Variants in SKI observed in about 807,000 individuals in gnomAD.
SKI encodes the protein SKI proto-oncogene, also known as ski oncogene.
In SKI, 23 loss-of-function variants were observed where a neutral mutation model predicts 59.3. The ratio of observed to expected loss-of-function variants is 0.39; its 90% CI spans 0.28 to 0.55. The LOEUF (loss-of-function observed/expected upper bound fraction) is 0.55, where lower values mean the gene tolerates loss of function less well. Among genes scored for constraint, SKI ranks in the 20% least tolerant of loss-of-function variants. The probability of loss-of-function intolerance (pLI) is 0.67; values close to 1 mark genes in which losing one functional copy is unlikely to be tolerated. For synonymous variants in SKI, 673 were observed against 488.6 expected, an observed-to-expected ratio of 1.38 and a Z score of -4.98; for missense variants, 1,017 against 1,038.9, an observed-to-expected ratio of 0.98 and a Z score of 0.29.
At chr1:2,285,527 A>G (rs1640019145) in intron 1 of SKI, among the ~76,000 whole-genome samples, 1 of 151,420 alleles carries the variant, frequency 6.6e-6, no homozygotes, top group Non-Finnish European at 1.5e-5. Flanking sequence ...AAAACAAACA[A>G]TAAACAAACA....
At chr1:2,287,360 T>C (rs1264322149) in intron 1 of SKI, among the ~76,000 whole-genome samples, 1 of 142,322 alleles carries the variant, frequency 7.0e-6, no homozygotes, top group Non-Finnish European at 1.5e-5. Flanking sequence ...TTTTTGAGAC[T>C]GAGTCTGGCT....
At chr1:2,232,104 C>T (rs1377316147) in intron 1 of SKI, among the ~76,000 whole-genome samples, 1 of 152,272 alleles carries the variant, frequency 6.6e-6, no homozygotes, top group Non-Finnish European at 1.5e-5. Context: ...TCCGCCCTCA[C>T]TGGCCGCCGT....
At chr1:2,271,854 A>G (rs979386666) in intron 1 of SKI, among the ~76,000 whole-genome samples, 2 of 152,222 alleles carry the variant, frequency 1.3e-5, no homozygotes, top group African/African-American at 4.8e-5. Flanking sequence ...CCAGAGGTTG[A>G]CATCCTGGGG....
At chr1:2,291,084 C>G (rs1038903535) in intron 1 of SKI, among the ~76,000 whole-genome samples, 3 of 152,234 alleles carry the variant, frequency 2.0e-5, no homozygotes, top group Non-Finnish European at 2.9e-5. Flanking sequence ...ACCCTCACCC[C>G]AGAACTGAAG....
chr1:2,285,417 A>G (rs373387311), intron 1 of SKI, among the ~76,000 whole-genome samples: 183 of 151,174 alleles, frequency 1.2e-3, no homozygotes, highest in African/African-American at 4.3e-3. Flanking sequence ...AGGGAGGCTG[A>G]GGCAGGAGAA....
chr1:2,273,812 C>T (rs1024492883), intron 1 of SKI, among the ~76,000 whole-genome samples: 4 of 152,210 alleles, frequency 2.6e-5, no homozygotes, highest in Non-Finnish European at 5.9e-5. Flanking sequence ...GCACGGTGGC[C>T]CTCCTGTCTG....
At chr1:2,305,252 G>GA (rs1303436864) in intron 5 of SKI, among the ~76,000 whole-genome samples, 4 of 152,320 alleles carry the variant, frequency 2.6e-5, no homozygotes, top group African/African-American at 9.6e-5. Context: ...TGACATGACT[G>GA]AGGGAAGTGC....
In SKI at chr1:2,249,359, C is replaced by A. The variant is rs779500713; in HGVS notation, c.969+19624C>A. ...TAGCGTTGCCGGCCACGCAGACAGCCGTGCCACCAGGAGGTTCCCTGGCAA... is the reference window on the plus strand; with the variant it reads ...TAGCGTTGCCGGCCACGCAGACAGCAGTGCCACCAGGAGGTTCCCTGGCAA... On this transcript the variant is annotated intron_variant, in intron 1 of 6. Coordinates refer to ENST00000378536, the MANE Select transcript of SKI (RefSeq NM_003036.4). Among the ~76,000 whole-genome samples, 25 of 152,348 alleles carry A rather than the reference C, an allele frequency of 1.6e-4. 1 individual carries two copies. The highest frequency in any genetic ancestry group is 6.0e-4 in the African/African-American group (25 of 41,582).
intron 1 of SKI, among the ~76,000 whole-genome samples, chr1:2,243,626 A>G (rs914737260): frequency 1.3e-5 from 2 of 152,154 alleles, no homozygotes; most frequent in Admixed American, 1.3e-4. Context: ...GTCAGAGGGC[A>G]TGTCGGTCAC....
At chr1:2,249,337 C>T (rs1449704257) in intron 1 of SKI, among the ~76,000 whole-genome samples, 2 of 152,222 alleles carry the variant, frequency 1.3e-5, no homozygotes, top group Non-Finnish European at 2.9e-5. Context: ...ATGTTCCTAG[C>T]GTTGCCGGCC....
At chr1:2,289,149 G>A (rs1356538964) in intron 1 of SKI, among the ~76,000 whole-genome samples, 1 of 152,204 alleles carries the variant, frequency 6.6e-6, no homozygotes, top group Non-Finnish European at 1.5e-5. Flanking sequence ...AGGAGCAGTG[G>A]TTGGTGAGAA....
intron 1 of SKI, among the ~76,000 whole-genome samples, chr1:2,256,534 G>T (rs907108712): frequency 6.6e-6 from 1 of 152,234 alleles, no homozygotes; most frequent in Non-Finnish European, 1.5e-5. Context: ...CCTGGTGAGG[G>T]ATTCTAGGGG....
chr1:2,254,390 G>T (rs567062660), intron 1 of SKI, among the ~76,000 whole-genome samples: 2 of 152,184 alleles, frequency 1.3e-5, no homozygotes, highest in Non-Finnish European at 2.9e-5. Flanking sequence ...GATCTCCAGC[G>T]TGACATGTCC....
intron 1 of SKI, among the ~76,000 whole-genome samples, chr1:2,244,900 T>C (rs934305979): frequency 3.3e-5 from 5 of 152,244 alleles, no homozygotes; most frequent in African/African-American, 1.2e-4. Context: ...AAAATATACT[T>C]TTCTTCAGAA....
chr1:2,274,942 C>T (rs1008048957), intron 1 of SKI, among the ~76,000 whole-genome samples: 1 of 152,194 alleles, frequency 6.6e-6, no homozygotes. Context: ...TTGTTTGGGG[C>T]CTTCGCTGTC....
intron 1 of SKI, among the ~76,000 whole-genome samples, chr1:2,233,231 T>G (rs1638681118): frequency 1.0e-5 from 1 of 99,866 alleles, no homozygotes; most frequent in East Asian, 3.3e-4. Context: ...CCAACAGGGC[T>G]GGTGGGGGGG....
At chr1:2,285,917 AG>A (rs1229797620) in intron 1 of SKI, among the ~76,000 whole-genome samples, 1 of 118,514 alleles carries the variant, frequency 8.4e-6, no homozygotes, top group Non-Finnish European at 1.6e-5. Context: ...ACTGTTGCCC[AG>A]GCTGGAGCAC....
chr1:2,257,265 C>T (rs1035727869), intron 1 of SKI, among the ~76,000 whole-genome samples: 11 of 152,346 alleles, frequency 7.2e-5, no homozygotes, highest in African/African-American at 2.6e-4. Flanking sequence ...TTTCAGACCT[C>T]GGCTTTAAAG....
chr1:2,301,000 T>A (rs553584266), intron 1 of SKI, among the ~76,000 whole-genome samples: 15 of 152,334 alleles, frequency 9.8e-5, no homozygotes, highest in Non-Finnish European at 1.9e-4. Context: ...GGCATCTGAC[T>A]CTTTCCCCTC....
Sources: gnomAD v4.1 joint callset for allele counts (sites outside exome capture counted in the v4.1 genomes callset) on GRCh38, gnomAD v4.1.1 for gene constraint, MANE v1.5 for transcripts, NCBI Gene and HGNC (gene_info 2026-07-23, HGNC 2026-07-21) for gene names.